Variants in SALL1 observed in about 807,000 individuals in gnomAD.
The protein encoded by SALL1 is spalt like transcription factor 1.
SALL1 carries 10 observed loss-of-function variants against 73.1 expected under a neutral mutation model. That is an observed-to-expected ratio of 0.14 (90% CI 0.08 to 0.23). The LOEUF (loss-of-function observed/expected upper bound fraction) is 0.23. Among genes scored for constraint, SALL1 ranks in the 10% least tolerant of loss-of-function variants. The pLI, the probability that SALL1 is intolerant of heterozygous loss-of-function variation, is 1.00. For synonymous variants in SALL1, 688 were observed against 689.8 expected (o/e 1.00, Z 0.04); for missense variants, 1,520 against 1,697.3 (o/e 0.90, Z 1.84).
Position 51,139,222 on chromosome 16 carries a change from G to GT in SALL1, c.2999dup (p.Asn1000LysfsTer5). 1 of 1,614,224 alleles carries GT rather than the reference G, an allele frequency of 6.2e-7. No individual in the cohort carries two copies. Among genetic ancestry groups the GT allele is most frequent in the Non-Finnish European group, 8.5e-7 (1 of 1,180,042 alleles). ...TTTTGCCACAAATGTCACAAGCAGT[G>GT]TTTTTAAATTTACCCCGGTCTCTAA... On this transcript the variant is annotated frameshift_variant, in exon 2 of 3. Transcript: ENST00000251020. LOFTEE classifies it high-confidence loss of function.
rs778105407 is a variant in SALL1, at chr16:51,139,987, C to T, written c.2235G>A (p.Thr745=). Residue 745 remains threonine (T), a synonymous_variant, in exon 2 of 3, where the codon ACG becomes ACA. Transcript: ENST00000251020. ...TGTAGTGGGTTTTAAGATTCCCTTTCGTGGTGAAAGCCCGGCCACAGATCT... is the reference window on the plus strand; with the variant it reads ...TGTAGTGGGTTTTAAGATTCCCTTTTGTGGTGAAAGCCCGGCCACAGATCT... ...KCKICGRAFT[T]KGNLKTHYSV... 8.1e-6 allele frequency: 13 copies of T among 1,614,184 alleles called. No homozygotes were observed. The highest frequency in any genetic ancestry group is 5.5e-5 in the South Asian group (5 of 91,082).
rs1962402583 is a variant in SALL1, at chr16:51,140,441, T to C, written c.1781A>G (p.Asp594Gly). ...ATSPPGSVKSDSGGPESATRN... is the reference protein window; with the variant it reads ...ATSPPGSVKSGSGGPESATRN... ...TGTGGCTGACTCAGGGCCCCCGGAG[T>C]CACTTTTGACTGAGCCTGGGGGGCT... The change falls in exon 2 of 3, where the codon GAC becomes GGC. Residue 594 changes from aspartate (D) to glycine (G), a missense_variant. Coordinates refer to ENST00000251020, the MANE Select transcript of SALL1 (RefSeq NM_002968.3). This position sits in a 1 kb window ranked among gnomAD's most constrained non-coding sequence, Gnocchi z 5.7. 1 of 1,613,414 alleles carries C rather than the reference T, an allele frequency of 6.2e-7. No individual in the cohort carries two copies. The highest frequency in any genetic ancestry group is 1.7e-5 in the Admixed American group (1 of 59,950).
chr16:51,139,403 T>C lies in SALL1; in HGVS notation c.2819A>G (p.Lys940Arg). The change falls in exon 2 of 3, where the codon AAG (lysine) becomes AGG (arginine). Residue 940 changes from lysine to arginine, a missense_variant. Transcript: ENST00000251020. ...SPSNSTQEFH[K>R]SPSIEEKPQR... ...TGGTTTCTCCTCAATGCTGGGTGAC[T>C]TGTGGAACTCCTGCGTGCTGTTGGA... The C allele has an allele frequency of 6.2e-7, 1 of 1,614,182 alleles. No homozygotes were observed. Among genetic ancestry groups the C allele is most frequent in the East Asian group, 2.2e-5 (1 of 44,874 alleles).
rs1485810289 is a variant in SALL1 at position 51,140,670 on chromosome 16, C to T, written c.1552G>A (p.Asp518Asn). The T allele has an allele frequency of 1.2e-6, 2 of 1,613,958 alleles. No homozygotes were observed. The highest frequency in any genetic ancestry group is 1.7e-6 in the Non-Finnish European group (2 of 1,180,034). ...ATGCCAGTACTCGTGGGGATATTGT[C>T]CAAATGCTCAGGCACAGGATAGGGG... is the stretch of plus-strand genomic sequence containing the variant. ...MNPYPVPEHL[D>N]NIPTSTGIPY... Residue 518 changes from aspartate (D) to asparagine (N), a missense_variant, in exon 2 of 3, where the codon GAC becomes AAC. Asp to Asn is a conservative substitution (Grantham distance 23). Transcript: ENST00000251020. This position sits in a 1 kb window ranked among gnomAD's most constrained non-coding sequence, Gnocchi z 5.7.
chr16:51,151,424 A>G (rs1019878749), upstream of SALL1: 12 of 215,264 alleles, frequency 5.6e-5, no homozygotes, highest in African/African-American at 9.4e-5. Context: ...ATGATTATCA[A>G]TAATGCATTG....
At chr16:51,148,460 T>C (rs1431156245) in intron 1 of SALL1, among the ~76,000 whole-genome samples, 1 of 152,224 alleles carries the variant, frequency 6.6e-6, no homozygotes, top group Non-Finnish European at 1.5e-5. Context: ...TCTCAAGACA[T>C]AAGAAAAAGT....
upstream of SALL1, chr16:51,151,279 A>G (rs757084718): frequency 6.3e-6 from 9 of 1,439,210 alleles, no homozygotes; most frequent in Non-Finnish European, 6.5e-6. Flanking sequence ...ATAAAAAATT[A>G]CTAAAAAAAA....
rs1303294643 is a variant in SALL1, at chr16:51,141,157, T to C, written c.1065A>G (p.Lys355=). Residue 355 remains lysine (K), a synonymous_variant, in exon 2 of 3, where the codon AAA becomes AAG. Coordinates refer to ENST00000251020, the MANE Select transcript of SALL1 (RefSeq NM_002968.3). The surrounding 1 kb of genome is among the most constrained non-coding windows in gnomAD (Gnocchi z 5.4). ...GGGAGGCCCCAGCACTTGAAGCCAC[T>C]TTTTCAGAGGACGGGGTGGTAACTG... The part of the protein sequence containing the change: ...AAAVTTPSSE[K]VASSAGASHV... 6.2e-7 allele frequency: 1 copy of C among 1,614,220 alleles called. No homozygotes were observed.
chr16:51,145,532 G>A (rs1188198844), intron 1 of SALL1, among the ~76,000 whole-genome samples: 4 of 152,038 alleles, frequency 2.6e-5, no homozygotes, highest in East Asian at 1.9e-4. Flanking sequence ...TGTTGGGGGG[G>A]CGGGAAGAGT....
At chr16:51,148,171 T>G (rs905113457) in intron 1 of SALL1, among the ~76,000 whole-genome samples, 1 of 152,228 alleles carries the variant, frequency 6.6e-6, no homozygotes, top group African/African-American at 2.4e-5. Context: ...TTGCTTCAGA[T>G]GAAGCTGTCT....
chr16:51,140,042 G>T lies in SALL1; in HGVS notation c.2180C>A (p.Thr727Lys), dbSNP rs768286020. The part of the protein sequence containing the change: ...CQSALKMHYR[T>K]HTGERPFKCK... Reference sequence around the variant, plus strand: ...CTTAAAGGGCCTCTCCCCAGTGTGTGTCCTGTAGTGCATTTTCAAGGCGCT... The same window carrying T: ...CTTAAAGGGCCTCTCCCCAGTGTGTTTCCTGTAGTGCATTTTCAAGGCGCT... Residue 727 changes from threonine to lysine, a missense_variant, in exon 2 of 3, where the codon ACA becomes AAA. Physicochemically the swap from Thr to Lys is moderately conservative, Grantham distance 78. This residue lies in a region of SALL1 where 77 missense variants were observed against 117.2 expected (regional missense o/e 0.66). Transcript: ENST00000251020. This position sits in a 1 kb window ranked among gnomAD's most constrained non-coding sequence, Gnocchi z 5.7. 1.9e-6 allele frequency: 3 copies of T among 1,614,110 alleles called. No individual in the cohort carries two copies. The highest frequency in any genetic ancestry group is 3.3e-4 in the Middle Eastern group (2 of 6,084).
intron 1 of SALL1, among the ~76,000 whole-genome samples, chr16:51,147,780 AACACACAC>A (rs145285801): frequency 1.4e-5 from 2 of 146,312 alleles, no homozygotes; most frequent in East Asian, 2.0e-4. Flanking sequence ...GAAGAACTCC[AACACACAC>A]ACACACACAC....
chr16:51,143,351 C>T, intron 1 of SALL1: 1 of 431,644 alleles, frequency 2.3e-6, no homozygotes, highest in Non-Finnish European at 4.7e-6. Context: ...CCATTGTTTG[C>T]CCAGCATGGG....
chr16:51,150,053 C>A (rs1395317084), intron 1 of SALL1, among the ~76,000 whole-genome samples: 2 of 152,182 alleles, frequency 1.3e-5, no homozygotes, highest in Non-Finnish European at 2.9e-5. Flanking sequence ...CCGCCTCGGG[C>A]GCTAGGCCTG....
chr16:51,144,125 C>A (rs1332095155), intron 1 of SALL1, among the ~76,000 whole-genome samples: 4 of 152,108 alleles, frequency 2.6e-5, no homozygotes, highest in Non-Finnish European at 5.9e-5. Context: ...CAAAAATTCT[C>A]TTTAAAGCTT....
rs759692437 is a variant in SALL1 at position 51,141,219 on chromosome 16, T to C, written c.1003A>G (p.Ser335Gly). 2.5e-6 allele frequency: 4 copies of C among 1,613,976 alleles called. No homozygotes were observed. The highest frequency in any genetic ancestry group is 2.2e-5 in the South Asian group (2 of 91,082). Residue 335 changes from serine to glycine, a missense_variant, in exon 2 of 3, where the codon AGC becomes GGC. Physicochemically the swap from Ser to Gly is moderately conservative, Grantham distance 56. Transcript: ENST00000251020. This position sits in a 1 kb window ranked among gnomAD's most constrained non-coding sequence, Gnocchi z 5.4. Reference protein sequence around the residue: ...SSGNTIIPSNSGSSPNMNILA... With the variant: ...SSGNTIIPSNGGSSPNMNILA... ...ATGTTCATATTGGGAGAAGAGCCGC[T>C]GTTGGATGGAATGATGGTGTTGCCA...
rs35929381 is a variant in SALL1 at position 51,136,523 on chromosome 16, CAA to C, written c.*587_*588del. ...TTCAAAATGGAAATGGTTAAATCGA[CAA>C]AAAAAAAGGTTGAATTTTAGAATAA... On this transcript the variant is annotated 3_prime_UTR_variant, in exon 3 of 3. Transcript: ENST00000251020. 2.1e-4 allele frequency: 32 copies of C among 151,748 alleles called. No homozygotes were observed. The highest frequency in any genetic ancestry group is 2.0e-4 in the Admixed American group (3 of 15,248). 9.4% of individuals were successfully genotyped at this position (151,748 alleles called of 1,614,324 possible).
chr16:51,138,533 C>G (rs1325454619), intron 2 of SALL1, 155 bp downstream of exon 2: 13 of 1,000,318 alleles, frequency 1.3e-5, no homozygotes, highest in African/African-American at 3.3e-5. Flanking sequence ...CCCTCTCCCC[C>G]ATTTCTCCCC....
At chr16:51,146,260 C>G (rs1191079529) in intron 1 of SALL1, among the ~76,000 whole-genome samples, 1 of 152,042 alleles carries the variant, frequency 6.6e-6, no homozygotes. Flanking sequence ...AAAATAACAA[C>G]ATGGACGAGG....
Sources: allele counts gnomAD v4.1 joint callset (sites outside exome capture counted in the v4.1 genomes callset), GRCh38; gene constraint gnomAD v4.1.1; regional missense constraint gnomAD v4.1.1; non-coding constraint Gnocchi (gnomAD v3.1); transcripts MANE v1.5; gene names NCBI Gene and HGNC (gene_info 2026-07-23, HGNC 2026-07-21).